NNT: variants seen among roughly 807,000 people sequenced by gnomAD.
NNT encodes the protein NAD(P) transhydrogenase, mitochondrial.
A neutral mutation model predicts 104.8 loss-of-function variants in NNT; 50 were observed. The observed-to-expected ratio is 0.48, with a 90% CI of 0.38 to 0.60. The LOEUF is 0.60. Among genes scored for constraint, NNT ranks in the 20% least tolerant of loss-of-function variants. NNT has a pLI of 0.00. For missense variants in NNT, 1,131 were observed against 1,330.7 expected (o/e 0.85, Z 2.33); for synonymous variants, 461 against 490.4 (o/e 0.94, Z 0.79).
chr5:43,692,899 A>T (rs1221664790), intron 19 of NNT, among the ~76,000 whole-genome samples: 6 of 152,116 alleles, frequency 3.9e-5, no homozygotes, highest in Non-Finnish European at 7.3e-5. Context: ...TGTGCCTTTA[A>T]AGCCATGTGT....
intron 1 of NNT, 38 bp downstream of exon 1, chr5:43,603,332 G>A (rs1749032976): frequency 6.5e-6 from 1 of 152,934 alleles, no homozygotes; most frequent in Non-Finnish European, 1.5e-5. Flanking sequence ...GGCAGCCGGG[G>A]CGCGCGCCTA....
At chr5:43,635,843 C>G (rs907047511) in intron 7 of NNT, among the ~76,000 whole-genome samples, 1 of 152,044 alleles carries the variant, frequency 6.6e-6, no homozygotes, top group Non-Finnish European at 1.5e-5. Context: ...CTTTAAAGGC[C>G]CTGTCTCTAA....
intron 7 of NNT, among the ~76,000 whole-genome samples, chr5:43,634,481 A>G (rs936690817): frequency 6.6e-6 from 1 of 152,226 alleles, no homozygotes; most frequent in African/African-American, 2.4e-5. Flanking sequence ...TGTATGCATT[A>G]TGATCATAAA....
At position 43,603,222 on chromosome 5, in the gene NNT, C is replaced by G. The variant is rs1258214029; in HGVS notation, c.-126C>G. On this transcript the variant is annotated 5_prime_UTR_variant, in exon 1 of 22. Coordinates refer to ENST00000344920, the MANE Select transcript of NNT (RefSeq NM_182977.3). ...GAGGCGCAGCGCCGCGGGGCCCAAGCCCGGGTCTGCCAGCGCGACGTCCTC... is the reference window on the plus strand; with the variant it reads ...GAGGCGCAGCGCCGCGGGGCCCAAGGCCGGGTCTGCCAGCGCGACGTCCTC... 6.5e-6 allele frequency: 1 copy of G among 152,818 alleles called. No homozygotes were observed. Among genetic ancestry groups the G allele is most frequent in the Non-Finnish European group, 1.5e-5 (1 of 68,544 alleles). 9.5% of individuals were successfully genotyped at this position (152,818 alleles called of 1,614,324 possible).
rs146135490 is a variant in NNT at position 43,665,214 on chromosome 5, ATTTAT to A, written c.2634+5867_2634+5871del. On this transcript the variant is annotated intron_variant, in intron 17 of 21. Coordinates refer to ENST00000344920, the MANE Select transcript of NNT (RefSeq NM_182977.3). Reference sequence around the variant, plus strand: ...GATTTTTTTTTCTGGTATTTTATTTATTTATTTATTATTATTATTATTATTATTTT... The same window carrying A: ...GATTTTTTTTTCTGGTATTTTATTTATTATTATTATTATTATTATTATTTT... Among the ~76,000 whole-genome samples, 1,253 of 147,372 alleles carry A rather than the reference ATTTAT, an allele frequency of 8.5e-3. 13 individuals carry two copies. Among genetic ancestry groups the A allele is most frequent in the African/African-American group, 0.022 (881 of 39,514 alleles).
Position 43,704,288 on chromosome 5 carries a change from T to G in NNT, c.3145T>G (p.Tyr1049Asp). 1 of 1,599,716 alleles carries G rather than the reference T, an allele frequency of 6.3e-7. No homozygotes were observed. Among genetic ancestry groups the G allele is most frequent in the Non-Finnish European group, 8.5e-7 (1 of 1,174,734 alleles). Residue 1049 changes from tyrosine (Y) to aspartate (D), a missense_variant, in exon 22 of 22, where the codon TAT becomes GAT. Tyr to Asp is a radical substitution (Grantham distance 160, BLOSUM62 -3). Transcript: ENST00000344920. ...IVMKRSLGVG[Y>D]AAVDNPIFYK... is the part of the protein sequence containing the mutation. ...TATGAAGAGGTCTTTGGGTGTTGGC[T>G]ATGCTGCAGTGGACAATCCAATCTT...
intron 7 of NNT, among the ~76,000 whole-genome samples, chr5:43,631,116 C>A (rs1264302363): frequency 6.6e-6 from 1 of 152,170 alleles, no homozygotes; most frequent in Non-Finnish European, 1.5e-5. Flanking sequence ...GAGCTCGTCT[C>A]TCCAGATAAC....
At chr5:43,632,087 G>A (rs1292672618) in intron 7 of NNT, among the ~76,000 whole-genome samples, 4 of 152,070 alleles carry the variant, frequency 2.6e-5, no homozygotes, top group African/African-American at 9.7e-5. Flanking sequence ...GAAAGCATGA[G>A]CATTTAACAA....
intron 7 of NNT, among the ~76,000 whole-genome samples, chr5:43,630,989 G>C (rs1750644637): frequency 6.6e-6 from 1 of 152,148 alleles, no homozygotes; most frequent in Non-Finnish European, 1.5e-5. Flanking sequence ...AAAAAACCTG[G>C]CTAATATAAA....
chr5:43,639,338 ATC>A (rs1355431729), intron 7 of NNT, among the ~76,000 whole-genome samples: 2 of 152,190 alleles, frequency 1.3e-5, no homozygotes, highest in Admixed American at 6.6e-5. Flanking sequence ...ATGTGCATAT[ATC>A]AATAAATAGA....
chr5:43,661,029 A>C (rs1346705205), intron 17 of NNT, among the ~76,000 whole-genome samples: 1 of 152,214 alleles, frequency 6.6e-6, no homozygotes, highest in African/African-American at 2.4e-5. Flanking sequence ...GGAAGGCTGA[A>C]GTATCTTTTC....
intron 19 of NNT, among the ~76,000 whole-genome samples, chr5:43,684,373 C>T (rs1741873664): frequency 6.6e-6 from 1 of 152,080 alleles, no homozygotes; most frequent in Non-Finnish European, 1.5e-5. Context: ...GTTAAATGAA[C>T]ACTTTTTTTT....
Position 43,659,364 on chromosome 5 carries a change from C to T in NNT, c.2634+14C>T, listed in dbSNP as rs1740233783. Reference sequence around the variant, plus strand: ...ATCATGTGTGTGGTAAGAAACAACACATACATGAAACAAAAGGAAATGGCT... The same window carrying T: ...ATCATGTGTGTGGTAAGAAACAACATATACATGAAACAAAAGGAAATGGCT... On this transcript the variant is annotated intron_variant, in intron 17 of 21. Transcript: ENST00000344920. 6.3e-7 allele frequency: 1 copy of T among 1,588,818 alleles called. No individual in the cohort carries two copies. The highest frequency in any genetic ancestry group is 8.6e-7 in the Non-Finnish European group (1 of 1,167,402).
intron 17 of NNT, 42 bp from the exon 18 acceptor site, chr5:43,675,469 T>C: frequency 1.3e-6 from 2 of 1,561,850 alleles, no homozygotes; most frequent in Non-Finnish European, 1.7e-6. Context: ...CTCACAAAGT[T>C]ATGTGTGTTA....
chr5:43,659,106 G>A (rs1740214260), intron 16 of NNT, 65 bp from the exon 17 acceptor site: 1 of 1,440,732 alleles, frequency 6.9e-7, no homozygotes, highest in South Asian at 1.4e-5. Flanking sequence ...GGAGCAAAAT[G>A]TTAAATGTCA....
At chr5:43,656,592 G>T (rs1740059438) in intron 15 of NNT, 61 bp from the exon 16 acceptor site, 3 of 1,428,808 alleles carry the variant, frequency 2.1e-6, no homozygotes, top group Non-Finnish European at 2.9e-6. Context: ...TCACAGAAAT[G>T]AACTTTATGT....
At chr5:43,699,313 G>T (rs1450572159) in intron 19 of NNT, among the ~76,000 whole-genome samples, 1 of 149,186 alleles carries the variant, frequency 6.7e-6, no homozygotes, top group African/African-American at 2.5e-5. Flanking sequence ...GTGGCTGTAG[G>T]CTTTAACATC....
At chr5:43,634,908 C>CTTTGG (rs1415825227) in intron 7 of NNT, among the ~76,000 whole-genome samples, 1 of 152,166 alleles carries the variant, frequency 6.6e-6, no homozygotes, top group East Asian at 1.9e-4. Context: ...CATCGTTATA[C>CTTTGG]TTTGGTTTGG....
chr5:43,621,566 G>T (rs1228578215), intron 5 of NNT, among the ~76,000 whole-genome samples: 5 of 148,146 alleles, frequency 3.4e-5, no homozygotes, highest in Admixed American at 1.3e-4. Context: ...TTTTGACTTG[G>T]TTTTTTTTTT....
Sources: allele counts gnomAD v4.1 joint callset (sites outside exome capture counted in the v4.1 genomes callset), GRCh38; gene constraint gnomAD v4.1.1; transcripts MANE v1.5; gene names NCBI Gene and HGNC (gene_info 2026-07-23, HGNC 2026-07-21).